ABCC1: variants seen among roughly 807,000 people sequenced by gnomAD.
ABCC1 encodes the protein ATP binding cassette subfamily C member 1 (ABCC1 blood group).
Under a neutral mutation model 172.9 loss-of-function variants are expected in ABCC1, and 83 were observed. The observed-to-expected ratio is 0.48, with a 90% confidence interval of 0.40 to 0.58. ABCC1 has a LOEUF of 0.58. Ranked by LOEUF, ABCC1 falls within the 20% of genes least tolerant of loss-of-function variation. The probability of loss-of-function intolerance (pLI) is 0.00; values close to 1 mark genes in which losing one functional copy is unlikely to be tolerated. For missense variants in ABCC1, 1,817 were observed against 2,002.7 expected (o/e 0.91, Z 1.77); for synonymous variants, 937 against 825.2 (o/e 1.14, Z -2.32).
At chr16:16,083,104 A>C (rs2151994037) in intron 16 of ABCC1, among the ~76,000 whole-genome samples, 1 of 152,354 alleles carries the variant, frequency 6.6e-6, no homozygotes, top group Middle Eastern at 3.4e-3. Context: ...GCTACTAAGT[A>C]AATAACTGTA....
chr16:16,031,813 C>G (rs774152923), intron 5 of ABCC1, among the ~76,000 whole-genome samples: 7 of 152,058 alleles, frequency 4.6e-5, no homozygotes, highest in Non-Finnish European at 8.8e-5. Flanking sequence ...TCTCTCCCTT[C>G]AGGACACACA....
At chr16:16,066,902 CAAAAA>C (rs59774947) in intron 12 of ABCC1, among the ~76,000 whole-genome samples, 1 of 146,952 alleles carries the variant, frequency 6.8e-6, no homozygotes, top group Non-Finnish European at 1.5e-5. Context: ...GACTGTGTCT[CAAAAA>C]AAAAAAAAGT....
chr16:16,003,195 GGGTGGATGGATGAATTGGTGGATGGGTA>G (rs2047381769), intron 1 of ABCC1, among the ~76,000 whole-genome samples: 1 of 151,546 alleles, frequency 6.6e-6, no homozygotes, highest in African/African-American at 2.4e-5. Flanking sequence ...TAGGTGGGTA[GGGTGGATGGATGAATTGGTGGATGGGTA>G]GGTGGATGGA....
At chr16:16,139,611 C>CAAAAA (rs386384360) in intron 30 of ABCC1, among the ~76,000 whole-genome samples, 21,822 of 57,170 alleles carry the variant, frequency 0.38, 5,617 homozygotes, top group Non-Finnish European at 0.45. Context: ...GACTCCATCT[C>CAAAAA]AAAAAAAAAA....
In ABCC1 at chr16:16,068,189, A is replaced by G. The variant is rs1308042333; in HGVS notation, c.1711A>G (p.Ile571Val). 11 of 1,614,106 alleles carry G rather than the reference A, an allele frequency of 6.8e-6. No individual in the cohort carries two copies. The highest frequency in any genetic ancestry group is 1.7e-5 in the Admixed American group (1 of 60,016). The change falls in exon 13 of 31, where the codon ATT becomes GTT. Residue 571 changes from isoleucine to valine, a missense_variant. Around this residue, in one of 3 missense-constraint regions of ABCC1, gnomAD observed 1,412 missense variants for 1,600.3 expected, o/e 0.88. Coordinates refer to ENST00000399410, the MANE Select transcript of ABCC1 (RefSeq NM_004996.4). ...ALCTFAVYVT[I>V]DENNILDAQT... ...GTGCACATTTGCCGTCTACGTGACC[A>G]TTGACGAGAACAACATCCTGGATGC... is the stretch of plus-strand genomic sequence containing the variant.
At chr16:15,996,397 A>G (rs2047058084) in intron 1 of ABCC1, among the ~76,000 whole-genome samples, 3 of 152,324 alleles carry the variant, frequency 2.0e-5, no homozygotes, top group Non-Finnish European at 2.9e-5. Flanking sequence ...GTGCTGGGAA[A>G]TATAGGCATG....
intron 1 of ABCC1, among the ~76,000 whole-genome samples, chr16:15,983,680 G>A (rs215062): frequency 0.84 from 126,600 of 151,152 alleles, 53,174 homozygotes; most frequent in Non-Finnish European, 0.87. Context: ...CTCAGCTTCC[G>A]GAGTAGCTGG....
In ABCC1 at chr16:15,975,295, G is replaced by A. The variant is rs45580138; in HGVS notation, c.48+25496G>A. Among the ~76,000 whole-genome samples the A allele has an allele frequency of 7.5e-3, 1,146 of 152,254 alleles. 23 individuals are homozygous for A. The highest frequency in any genetic ancestry group is 0.026 in the African/African-American group (1,072 of 41,540). On this transcript the variant is annotated intron_variant, in intron 1 of 30. Transcript: ENST00000399410. ...GTGACAGCAGGGTCATTTTTTAATC[G>A]GATCATCTGCCCCAGTTTGCTTGGC...
chr16:16,026,464 C>CTTTTTTTTTTTTTTTTTTTTTTTTT (rs1491397616), intron 5 of ABCC1, among the ~76,000 whole-genome samples: 1 of 102,260 alleles, frequency 9.8e-6, no homozygotes, highest in African/African-American at 3.5e-5. Context: ...AAGGCTATTT[C>CTTTTTTTTTTTTTTTTTTTTTTTTT]CTTTTTTTTT....
chr16:16,102,548 G>A (rs1028259597), intron 19 of ABCC1, 79 bp from the exon 20 acceptor site: 2 of 1,347,770 alleles, frequency 1.5e-6, no homozygotes, highest in Non-Finnish European at 2.1e-6. Context: ...CCTCACTGAA[G>A]TGGCCGGTTT....
chr16:15,992,112 G>A (rs984332160), intron 1 of ABCC1, among the ~76,000 whole-genome samples: 5 of 152,082 alleles, frequency 3.3e-5, no homozygotes, highest in African/African-American at 4.8e-5. Flanking sequence ...GCTGTGAACC[G>A]TGTGCGCGAG....
chr16:16,035,964 TA>T (rs1415340539), intron 6 of ABCC1, among the ~76,000 whole-genome samples: 3 of 147,524 alleles, frequency 2.0e-5, no homozygotes, highest in African/African-American at 7.4e-5. Flanking sequence ...AAATAAAAAA[TA>T]AAAAAAAAAT....
At position 16,099,420 on chromosome 16, in the gene ABCC1, C is replaced by G. The variant is rs184919069; in HGVS notation, c.2645-3207C>G. On this transcript the variant is annotated intron_variant, in intron 19 of 30. Coordinates refer to ENST00000399410, the MANE Select transcript of ABCC1 (RefSeq NM_004996.4). The stretch of plus-strand genomic sequence containing the variant: ...AGTGGCCAGACTGGACCCATCCCTC[C>G]TGCCTTCTGCAGTGTGTGGCTTAGG... 5.3e-3 allele frequency among the ~76,000 whole-genome samples: 809 copies of G among 152,304 alleles called. 6 individuals are homozygous for G. Among genetic ancestry groups the G allele is most frequent in the South Asian group, 9.5e-3 (46 of 4,824 alleles).
chr16:15,967,308 C>T (rs1156925281), intron 1 of ABCC1, among the ~76,000 whole-genome samples: 1 of 152,032 alleles, frequency 6.6e-6, no homozygotes, highest in Non-Finnish European at 1.5e-5. Flanking sequence ...CAGGTTAATT[C>T]ACCCTGTTGT....
intron 16 of ABCC1, among the ~76,000 whole-genome samples, chr16:16,082,909 A>T (rs2050860792): frequency 6.6e-6 from 1 of 152,138 alleles, no homozygotes; most frequent in African/African-American, 2.4e-5. Context: ...TGGCCTCCCA[A>T]AGTGCTGGGA....
Position 16,046,765 on chromosome 16 carries a change from A to ATTT in ABCC1, c.1218+765_1218+767dup, listed in dbSNP as rs59987503. Among the ~76,000 whole-genome samples the ATTT allele has an allele frequency of 4.0e-4, 58 of 145,088 alleles. 1 individual carries two copies. Among genetic ancestry groups the ATTT allele is most frequent in the East Asian group, 8.1e-4 (4 of 4,968 alleles). On this transcript the variant is annotated intron_variant, in intron 9 of 30. Transcript: ENST00000399410. ...TAAATTACCTTCTTGATCCCTATAA[A>ATTT]TTTTTTTTTTTTTTTGTCTCGAGGT...
At chr16:16,029,189 G>C (rs1207983260) in intron 5 of ABCC1, among the ~76,000 whole-genome samples, 4 of 152,110 alleles carry the variant, frequency 2.6e-5, no homozygotes, top group Non-Finnish European at 5.9e-5. Context: ...AAAGTAGACA[G>C]CCTAGGATAA....
intron 5 of ABCC1, among the ~76,000 whole-genome samples, chr16:16,029,735 G>C (rs1435382874): frequency 6.6e-6 from 1 of 152,126 alleles, no homozygotes; most frequent in Non-Finnish European, 1.5e-5. Flanking sequence ...TAACTGTTGG[G>C]CTGCATGTGA....
intron 14 of ABCC1, 32 bp downstream of exon 14, chr16:16,071,761 G>A: frequency 6.3e-7 from 1 of 1,588,954 alleles, no homozygotes; most frequent in Non-Finnish European, 8.6e-7. Flanking sequence ...GCTTCTGGAA[G>A]TGGCCGCCTT....
Sources: gnomAD v4.1 joint callset for allele counts (sites outside exome capture counted in the v4.1 genomes callset) on GRCh38, gnomAD v4.1.1 for gene constraint, gnomAD v4.1.1 regional missense constraint, MANE v1.5 for transcripts, NCBI Gene and HGNC (gene_info 2026-07-23, HGNC 2026-07-21) for gene names.